LRRK1: variants seen among roughly 807,000 people sequenced by gnomAD.
The protein encoded by LRRK1 is leucine rich repeat kinase 1.
In LRRK1, 113 loss-of-function variants were observed where a neutral mutation model predicts 209.1. The ratio of observed to expected loss-of-function variants is 0.54; its 90% CI spans 0.46 to 0.63. The LOEUF (loss-of-function observed/expected upper bound fraction) is 0.63, where lower values mean the gene tolerates loss of function less well. Ranked by LOEUF, LRRK1 falls within the 30% of genes least tolerant of loss-of-function variation. The pLI, the probability that LRRK1 is intolerant of heterozygous loss-of-function variation, is 0.00. For synonymous variants in LRRK1, 1,144 were observed against 1,099.7 expected (o/e 1.04, Z -0.80); for missense variants, 2,284 against 2,632.2 (o/e 0.87, Z 2.89).
At chr15:100,967,836 C>A (rs950307496) in intron 2 of LRRK1, among the ~76,000 whole-genome samples, 1 of 152,218 alleles carries the variant, frequency 6.6e-6, no homozygotes, top group Non-Finnish European at 1.5e-5. Context: ...CTGTACACTT[C>A]ACTCTTAAAT....
rs531079716 is a variant in LRRK1 at position 101,052,907 on chromosome 15, G to A, written c.3690-15G>A. 437 of 1,599,428 alleles carry A rather than the reference G, an allele frequency of 2.7e-4. 5 individuals are homozygous for A. The South Asian group carries it at 4.1e-3, about 15-fold the overall frequency. On this transcript the variant is annotated splice_polypyrimidine_tract_variant and intron_variant, in intron 24 of 33. Transcript: ENST00000388948. Reference sequence around the variant, plus strand: ...GGGCGGGGGGGATGTGGCTGATGCCGGGCGTGTGTGGCAGGCTCTTCCTGG... The same window carrying A: ...GGGCGGGGGGGATGTGGCTGATGCCAGGCGTGTGTGGCAGGCTCTTCCTGG...
chr15:100,948,778 T>C (rs2042590884), intron 2 of LRRK1, among the ~76,000 whole-genome samples: 1 of 152,134 alleles, frequency 6.6e-6, no homozygotes, highest in South Asian at 2.1e-4. Flanking sequence ...AAAGAACGAA[T>C]GTGTTAAAGA....
chr15:101,022,368 A>G lies in LRRK1; in HGVS notation c.1853-15A>G. 1 of 1,612,600 alleles carries G rather than the reference A, an allele frequency of 6.2e-7. No individual in the cohort carries two copies. ...TGCCCACGCAGCTACCCTTCCCCTT[A>G]ATGATTTTGCACAGGCCCCAAAGCA... On this transcript the variant is annotated splice_polypyrimidine_tract_variant and intron_variant, in intron 14 of 33. Coordinates refer to ENST00000388948, the MANE Select transcript of LRRK1 (RefSeq NM_024652.6). This position sits in a 1 kb window ranked among gnomAD's most constrained non-coding sequence, Gnocchi z 4.0.
intron 26 of LRRK1, 123 bp downstream of exon 26, chr15:101,053,543 C>T (rs1278675743): frequency 4.9e-6 from 4 of 808,350 alleles, no homozygotes; most frequent in Non-Finnish European, 7.7e-6. Flanking sequence ...CAACCCATGG[C>T]TCGTGTGACC....
At chr15:100,941,216 A>ATGTGTCTGTGTG in intron 2 of LRRK1, among the ~76,000 whole-genome samples, 1 of 99,998 alleles carries the variant, frequency 1.0e-5, no homozygotes, top group East Asian at 3.0e-4. Context: ...GTGTGTCTGT[A>ATGTGTCTGTGTG]TGTGTCTGTG....
At chr15:100,942,892 C>G (rs938635302) in intron 2 of LRRK1, among the ~76,000 whole-genome samples, 1 of 152,270 alleles carries the variant, frequency 6.6e-6, no homozygotes, top group South Asian at 2.1e-4. Flanking sequence ...CACCCGGAGA[C>G]GGCCTCCATG....
chr15:100,934,619 A>C lies in LRRK1; in HGVS notation c.97+9890A>C, dbSNP rs544949889. On this transcript the variant is annotated intron_variant, in intron 2 of 33. Transcript: ENST00000388948. Reference sequence around the variant, plus strand: ...AGCCTGGCCAACATGGCAAAACCCCATCTCTACAAAAAAAAAAAAAAAAAA... The same window carrying C: ...AGCCTGGCCAACATGGCAAAACCCCCTCTCTACAAAAAAAAAAAAAAAAAA... 4.0e-5 allele frequency among the ~76,000 whole-genome samples: 4 copies of C among 98,970 alleles called. No individual in the cohort carries two copies. The East Asian group carries it at 1.1e-3, about 27-fold the overall frequency. 64.9% of individuals were successfully genotyped at this position (98,970 alleles called of 152,430 possible).
intron 20 of LRRK1, among the ~76,000 whole-genome samples, chr15:101,033,321 A>G (rs937688418): frequency 6.6e-6 from 1 of 152,170 alleles, no homozygotes; most frequent in African/African-American, 2.4e-5. Context: ...AATATACCAT[A>G]TATTCTTGCT....
intron 2 of LRRK1, among the ~76,000 whole-genome samples, chr15:100,942,728 C>T (rs1479877872): frequency 6.6e-6 from 1 of 152,152 alleles, no homozygotes; most frequent in African/African-American, 2.4e-5. Context: ...CTGTATGTCT[C>T]ACTGAAGAAA....
At chr15:100,943,209 A>T (rs1271977943) in intron 2 of LRRK1, among the ~76,000 whole-genome samples, 4 of 152,102 alleles carry the variant, frequency 2.6e-5, no homozygotes, top group Admixed American at 2.6e-4. Context: ...TTTTACTCCA[A>T]GGGGGTGTAA....
intron 20 of LRRK1, among the ~76,000 whole-genome samples, chr15:101,040,881 G>A (rs1257643439): frequency 1.3e-5 from 2 of 152,200 alleles, no homozygotes; most frequent in Non-Finnish European, 2.9e-5. Context: ...AGTTTTCTGT[G>A]TTGTGGCTGT....
At chr15:100,995,821 C>G (rs563306265) in intron 6 of LRRK1, among the ~76,000 whole-genome samples, 2 of 152,290 alleles carry the variant, frequency 1.3e-5, no homozygotes, top group African/African-American at 4.8e-5. Flanking sequence ...TCAAACAACC[C>G]AATGGGGAAA....
At position 101,021,105 on chromosome 15, in the gene LRRK1, C is replaced by A; in HGVS notation, c.1662C>A (p.Cys554Ter). 1 of 1,614,174 alleles carries A rather than the reference C, an allele frequency of 6.2e-7. No homozygotes were observed. The highest frequency in any genetic ancestry group is 8.5e-7 in the Non-Finnish European group (1 of 1,179,990). The change falls in exon 13 of 34, where the codon TGC (cysteine) becomes TGA (stop). Residue 554 changes from cysteine to a stop codon, truncating the protein, a stop_gained. Transcript: ENST00000388948. LOFTEE classifies it high-confidence loss of function. ...AFLSESLEVLCLNDNHLDTVP... is the reference protein window; with the variant it reads ...AFLSESLEVL ...TAAGTGAGTCTTTGGAAGTCCTTTG[C>A]CTGAACGACAACCACCTCGACACAG...
chr15:100,998,506 C>G (rs2032532557), intron 6 of LRRK1, among the ~76,000 whole-genome samples: 1 of 152,178 alleles, frequency 6.6e-6, no homozygotes, highest in Admixed American at 6.5e-5. Context: ...CTTCTTTAAT[C>G]AATTTCTCCA....
intron 5 of LRRK1, 32 bp from the exon 6 acceptor site, chr15:100,989,218 A>C (rs1404891546): frequency 6.3e-7 from 1 of 1,588,164 alleles, no homozygotes; most frequent in Admixed American, 1.7e-5. Context: ...TAGCATCTGC[A>C]TGCCCTTAGC....
intron 2 of LRRK1, among the ~76,000 whole-genome samples, chr15:100,961,731 G>T: frequency 6.6e-6 from 1 of 152,114 alleles, no homozygotes; most frequent in Non-Finnish European, 1.5e-5. Flanking sequence ...GGTGCTGGGG[G>T]TCCAAATCTC....
In LRRK1 at chr15:101,074,216, TGCTCCTTGCCAGGCC is replaced by T. The variant is rs778464226; in HGVS notation, c.*5370_*5384del. The T allele has an allele frequency of 3.3e-4, 50 of 152,182 alleles. No homozygotes were observed. The highest frequency in any genetic ancestry group is 5.7e-4 in the Non-Finnish European group (39 of 68,006). 9.4% of individuals were successfully genotyped at this position (152,182 alleles called of 1,614,324 possible). ...CTGACCTCTCCCCTCCTCCCCAGGCTGCTCCTTGCCAGGCCGAGCTAGGTCCCAATTCTTCCTCAG... is the reference window on the plus strand; with the variant it reads ...CTGACCTCTCCCCTCCTCCCCAGGCTGAGCTAGGTCCCAATTCTTCCTCAG... On this transcript the variant is annotated 3_prime_UTR_variant, in exon 34 of 34. Transcript: ENST00000388948.
At chr15:100,942,185 A>G (rs1469138500) in intron 2 of LRRK1, among the ~76,000 whole-genome samples, 1 of 152,172 alleles carries the variant, frequency 6.6e-6, no homozygotes, top group East Asian at 1.9e-4. Context: ...ATACTGAGTG[A>G]GAATGTCAAG....
intron 3 of LRRK1, among the ~76,000 whole-genome samples, chr15:100,974,613 A>G (rs2031185905): frequency 6.6e-6 from 1 of 152,190 alleles, no homozygotes; most frequent in Non-Finnish European, 1.5e-5. Context: ...CTACCTGGCT[A>G]TTCATCTTGG....
Sources: gnomAD v4.1 joint callset for allele counts (sites outside exome capture counted in the v4.1 genomes callset) on GRCh38, gnomAD v4.1.1 for gene constraint, Gnocchi (gnomAD v3.1) non-coding constraint, MANE v1.5 for transcripts, NCBI Gene and HGNC (gene_info 2026-07-23, HGNC 2026-07-21) for gene names.